The following ANKS1A variants were observed in gnomAD, a reference collection of about 807,000 sequenced individuals.
The protein encoded by ANKS1A is ankyrin repeat and SAM domain-containing protein 1A.
Under a neutral mutation model 120.3 loss-of-function variants are expected in ANKS1A, and 55 were observed. That is an observed-to-expected ratio of 0.46 (90% CI 0.37 to 0.57). ANKS1A has a LOEUF of 0.57. ANKS1A is among the 20% of genes least tolerant of loss of function. ANKS1A has a pLI of 0.00. For missense variants in ANKS1A, 1,123 were observed against 1,480.3 expected, an observed-to-expected ratio of 0.76 and a Z score of 3.96; for synonymous variants, 590 against 604.7, an observed-to-expected ratio of 0.98 and a Z score of 0.36.
intron 11 of ANKS1A, among the ~76,000 whole-genome samples, chr6:35,040,221 T>A (rs1324264217): frequency 1.3e-5 from 2 of 152,232 alleles, no homozygotes. Flanking sequence ...AAGAAAGGTT[T>A]AGGCCCTGTA....
At chr6:34,890,280 C>CG (rs1766744199) in intron 1 of ANKS1A, among the ~76,000 whole-genome samples, 1 of 152,118 alleles carries the variant, frequency 6.6e-6, no homozygotes, top group African/African-American at 2.4e-5. Flanking sequence ...TTAGTAGAGA[C>CG]GGGGTTTCAC....
At chr6:34,930,298 A>G (rs993750083) in intron 1 of ANKS1A, among the ~76,000 whole-genome samples, 3 of 152,082 alleles carry the variant, frequency 2.0e-5, no homozygotes, top group Non-Finnish European at 2.9e-5. Context: ...CTCCTGGGCT[A>G]TGTTTGGAGG....
At chr6:34,952,962 G>A (rs540152280) in intron 1 of ANKS1A, among the ~76,000 whole-genome samples, 8 of 152,098 alleles carry the variant, frequency 5.3e-5, no homozygotes, top group Middle Eastern at 3.4e-3. Context: ...CACCCATCCC[G>A]GCCTCCCAAA....
intron 1 of ANKS1A, among the ~76,000 whole-genome samples, chr6:34,931,126 G>A (rs1193782242): frequency 1.7e-4 from 25 of 149,580 alleles, no homozygotes; most frequent in Non-Finnish European, 3.0e-4. Context: ...TGATCCGCCC[G>A]CCTCAGCCTC....
At chr6:35,035,353 T>C (rs561484432) in intron 11 of ANKS1A, among the ~76,000 whole-genome samples, 1 of 152,326 alleles carries the variant, frequency 6.6e-6, no homozygotes, top group Admixed American at 6.5e-5. Context: ...TGTGCTTCAC[T>C]GTTTGGCTTT....
At position 35,086,917 on chromosome 6, in the gene ANKS1A, T is replaced by C; in HGVS notation, c.3304-35T>C. 6.2e-7 allele frequency: 1 copy of C among 1,603,836 alleles called. No individual in the cohort carries two copies. The highest frequency in any genetic ancestry group is 8.5e-7 in the Non-Finnish European group (1 of 1,170,784). ...GCTGCCTCCAGCCCTGGCACAGAGCTCCCTCTGACTCTTGACTGCTTCCTT... is the reference window on the plus strand; with the variant it reads ...GCTGCCTCCAGCCCTGGCACAGAGCCCCCTCTGACTCTTGACTGCTTCCTT... On this transcript the variant is annotated intron_variant, in intron 22 of 23. Coordinates refer to ENST00000360359, the MANE Select transcript of ANKS1A (RefSeq NM_015245.3). This position sits in a 1 kb window ranked among gnomAD's most constrained non-coding sequence, Gnocchi z 5.1.
chr6:34,916,059 C>T (rs1403188913), intron 1 of ANKS1A, among the ~76,000 whole-genome samples: 8 of 138,210 alleles, frequency 5.8e-5, no homozygotes, highest in East Asian at 2.2e-4. Flanking sequence ...GTGGTGCAAT[C>T]TCGGCTCACT....
intron 16 of ANKS1A, 28 bp downstream of exon 16, chr6:35,079,956 GTA>G: frequency 1.3e-6 from 2 of 1,546,268 alleles, no homozygotes; most frequent in South Asian, 2.4e-5. Context: ...AGAAAGGAAT[GTA>G]TGTTTGTTCC....
At chr6:34,918,286 C>T (rs1256388521) in intron 1 of ANKS1A, among the ~76,000 whole-genome samples, 1 of 152,096 alleles carries the variant, frequency 6.6e-6, no homozygotes, top group Non-Finnish European at 1.5e-5. Context: ...AGCCAGTTGG[C>T]CTAGGTTCAA....
At position 34,967,207 on chromosome 6, in the gene ANKS1A, C is replaced by A. The variant is rs184209306; in HGVS notation, c.198-32C>A. ...GGTTTGTGACTTCGGTCTGTGAAAT[C>A]TATGTCTCTCTCTTTTTTTTTTCCC... is the stretch of plus-strand genomic sequence containing the variant. On this transcript the variant is annotated intron_variant, in intron 1 of 23. Transcript: ENST00000360359. 5.6e-6 allele frequency: 9 copies of A among 1,602,912 alleles called. No homozygotes were observed. The East Asian group carries it at 2.0e-4, about 36-fold the overall frequency.
intron 1 of ANKS1A, among the ~76,000 whole-genome samples, chr6:34,914,221 A>T (rs1768048436): frequency 6.6e-6 from 1 of 152,198 alleles, no homozygotes; most frequent in African/African-American, 2.4e-5. Flanking sequence ...TTACCCAGCC[A>T]ATAGTTTTTG....
At chr6:35,010,524 A>G (rs1033395171) in intron 10 of ANKS1A, among the ~76,000 whole-genome samples, 4 of 152,220 alleles carry the variant, frequency 2.6e-5, no homozygotes, top group African/African-American at 9.6e-5. Flanking sequence ...GAACTTGGTC[A>G]TGTGTTTACA....
At chr6:35,025,565 T>C (rs1394939363) in intron 11 of ANKS1A, among the ~76,000 whole-genome samples, 1 of 152,080 alleles carries the variant, frequency 6.6e-6, no homozygotes, top group African/African-American at 2.4e-5. Context: ...ACCGATGCAT[T>C]TCCCCATTGC....
rs750989331 is a variant in ANKS1A at position 34,889,541 on chromosome 6, A to AGCGGCG, written c.154_159dup (p.Gly52_Gly53dup). 178 of 1,200,428 alleles carry AGCGGCG rather than the reference A, an allele frequency of 1.5e-4. 1 individual carries two copies. In the South Asian group the frequency reaches 2.7e-3, roughly 18 times the overall value. 74.4% of individuals were successfully genotyped at this position (1,200,428 alleles called of 1,614,324 possible). A position where few individuals can be genotyped will look rare whatever the true frequency, so the allele number is the denominator to read the frequency against. ...TGGCTCTGGGGGCGGCGGCGGCGGC[A>AGCGGCG]GCGGCGGCGGCGGCGGCGGCCTCGG... On this transcript the variant is annotated inframe_insertion, in exon 1 of 24. Transcript: ENST00000360359. The surrounding 1 kb of genome is among the most constrained non-coding windows in gnomAD (Gnocchi z 5.5).
At chr6:35,022,053 C>T (rs1774373792) in intron 11 of ANKS1A, among the ~76,000 whole-genome samples, 2 of 152,056 alleles carry the variant, frequency 1.3e-5, no homozygotes, top group South Asian at 2.1e-4. Flanking sequence ...AGCAGAGTCA[C>T]GGGGAACCCC....
chr6:35,003,454 T>C (rs9462039), intron 10 of ANKS1A, among the ~76,000 whole-genome samples: 4,022 of 151,920 alleles, frequency 0.026, 180 homozygotes, highest in African/African-American at 0.092. Flanking sequence ...TGTCTACACA[T>C]AGATAATCAA....
At chr6:34,925,609 A>T (rs143195794) in intron 1 of ANKS1A, among the ~76,000 whole-genome samples, 44 of 152,316 alleles carry the variant, frequency 2.9e-4, no homozygotes, top group African/African-American at 1.0e-3. Flanking sequence ...AGTTCAGGGA[A>T]ACTTTGTCCA....
intron 3 of ANKS1A, 147 bp downstream of exon 3, chr6:34,970,313 C>G: frequency 1.1e-6 from 1 of 870,458 alleles, no homozygotes; most frequent in South Asian, 1.9e-5. Context: ...AGCATGGAAC[C>G]ACCTCTTCCA....
At chr6:34,986,410 T>C (rs1353700148) in intron 8 of ANKS1A, among the ~76,000 whole-genome samples, 1 of 152,172 alleles carries the variant, frequency 6.6e-6, no homozygotes, top group Non-Finnish European at 1.5e-5. Context: ...GCACAACAAT[T>C]TGAGGTTTTG....
Sources: gnomAD v4.1 joint callset for allele counts (sites outside exome capture counted in the v4.1 genomes callset) on GRCh38, gnomAD v4.1.1 for gene constraint, Gnocchi (gnomAD v3.1) non-coding constraint, MANE v1.5 for transcripts, NCBI Gene and HGNC (gene_info 2026-07-23, HGNC 2026-07-21) for gene names.